Variants in FOXN3 observed in about 807,000 individuals in gnomAD.
The protein encoded by FOXN3 is forkhead box protein N3.
Under a neutral mutation model 38.4 loss-of-function variants are expected in FOXN3, and 7 were observed. The ratio of observed to expected loss-of-function variants is 0.18; its 90% confidence interval spans 0.10 to 0.34. The LOEUF is 0.34. Ranked by LOEUF, FOXN3 falls within the 10% of genes least tolerant of loss-of-function variation. FOXN3 has a pLI of 1.00. For missense variants in FOXN3, 456 were observed against 613.4 expected (o/e 0.74, Z 2.71); for synonymous variants, 230 against 242.2 (o/e 0.95, Z 0.47).
At chr14:89,436,545 T>G (rs1272870129) in intron 1 of FOXN3, among the ~76,000 whole-genome samples, 1 of 152,232 alleles carries the variant, frequency 6.6e-6, no homozygotes, top group Non-Finnish European at 1.5e-5. Context: ...CCCCATCGTC[T>G]GCGCCAGAGG....
At chr14:89,506,387 G>A (rs542833097) in intron 1 of FOXN3, among the ~76,000 whole-genome samples, 1,726 of 142,282 alleles carry the variant, frequency 0.012, 27 homozygotes, top group Non-Finnish European at 0.019. Flanking sequence ...GCCTCTGCCC[G>A]GCCACCCCTA....
intron 3 of FOXN3, among the ~76,000 whole-genome samples, chr14:89,303,829 T>C (rs1031474538): frequency 6.6e-6 from 1 of 152,224 alleles, no homozygotes; most frequent in African/African-American, 2.4e-5. Flanking sequence ...TATAATTCAC[T>C]ATTATCAGTG....
intron 1 of FOXN3, among the ~76,000 whole-genome samples, chr14:89,479,474 T>A (rs1300090123): frequency 6.6e-6 from 1 of 152,134 alleles, no homozygotes; most frequent in Non-Finnish European, 1.5e-5. Flanking sequence ...TTGTTTTAAA[T>A]AAAGCAAGCT....
chr14:89,324,155 G>A lies in FOXN3; in HGVS notation c.680+26517C>T, dbSNP rs1288059240. ...ATATAGTCCAATTCCCAGCTTTGCC[G>A]AATATCAGTAATAGCCAAGCAACAC... is the stretch of plus-strand genomic sequence containing the variant. On this transcript the variant is annotated intron_variant, in intron 3 of 5. Coordinates refer to ENST00000557258, the MANE Select transcript of FOXN3 (RefSeq NM_005197.4). Among the ~76,000 whole-genome samples, 6 of 152,148 alleles carry A rather than the reference G, an allele frequency of 3.9e-5. No homozygotes were observed. In the East Asian group the frequency reaches 5.8e-4, roughly 15 times the overall value.
chr14:89,360,736 CCAG>C (rs138235361), intron 2 of FOXN3, among the ~76,000 whole-genome samples: 5 of 136,348 alleles, frequency 3.7e-5, no homozygotes, highest in South Asian at 2.4e-4. Flanking sequence ...ACCACCACCT[CCAG>C]CACCACCTCC....
At chr14:89,352,295 A>C (rs1444045266) in intron 2 of FOXN3, among the ~76,000 whole-genome samples, 1 of 152,240 alleles carries the variant, frequency 6.6e-6, no homozygotes, top group Non-Finnish European at 1.5e-5. Context: ...CACATTCTCA[A>C]ACCCAGAATA....
intron 3 of FOXN3, chr14:89,284,392 A>G (rs1886552440): frequency 2.2e-6 from 1 of 447,964 alleles, no homozygotes; most frequent in Non-Finnish European, 4.5e-6. Context: ...CAAGTTAGTG[A>G]TCAACCCAAG....
At chr14:89,546,779 A>G (rs905638509) in intron 1 of FOXN3, among the ~76,000 whole-genome samples, 4 of 151,876 alleles carry the variant, frequency 2.6e-5, no homozygotes, top group Non-Finnish European at 4.4e-5. Context: ...ACACACATAT[A>G]CATAGGCAAA....
At chr14:89,182,964 T>C (rs1037980367) in intron 4 of FOXN3, among the ~76,000 whole-genome samples, 1 of 152,138 alleles carries the variant, frequency 6.6e-6, no homozygotes, top group African/African-American at 2.4e-5. Context: ...AAATTAGAAA[T>C]GGATCATACA....
chr14:89,301,750 A>G (rs1056026656), intron 3 of FOXN3, among the ~76,000 whole-genome samples: 1 of 152,154 alleles, frequency 6.6e-6, no homozygotes, highest in African/African-American at 2.4e-5. Flanking sequence ...CCTGGGCTAC[A>G]GAGTGAGACT....
chr14:89,593,855 C>T (rs1013667609), intron 1 of FOXN3, among the ~76,000 whole-genome samples: 5 of 152,156 alleles, frequency 3.3e-5, no homozygotes, highest in Non-Finnish European at 7.4e-5. Context: ...GATCTGCCCA[C>T]CTTGGCCTCC....
chr14:89,526,717 C>G (rs1353666175), intron 1 of FOXN3, among the ~76,000 whole-genome samples: 1 of 152,130 alleles, frequency 6.6e-6, no homozygotes, highest in Non-Finnish European at 1.5e-5. Context: ...AAAATCCCAA[C>G]AGGCTTTTTT....
At chr14:89,566,869 C>A (rs1039850703) in intron 1 of FOXN3, among the ~76,000 whole-genome samples, 1 of 151,836 alleles carries the variant, frequency 6.6e-6, no homozygotes, top group Admixed American at 6.6e-5. Context: ...TCTCACCCCC[C>A]TCCTCTTCCT....
intron 1 of FOXN3, among the ~76,000 whole-genome samples, chr14:89,583,160 T>C (rs1895777831): frequency 1.3e-5 from 2 of 152,264 alleles, no homozygotes; most frequent in Admixed American, 6.5e-5. Flanking sequence ...GTAGATCATA[T>C]GGTAGATATA....
intron 1 of FOXN3, among the ~76,000 whole-genome samples, chr14:89,451,950 G>A (rs1274877436): frequency 1.3e-5 from 2 of 152,150 alleles, no homozygotes; most frequent in Admixed American, 1.3e-4. Flanking sequence ...AGCCGCCTGA[G>A]TTCACTGTAG....
At chr14:89,547,686 C>G (rs1278388029) in intron 1 of FOXN3, among the ~76,000 whole-genome samples, 1 of 152,090 alleles carries the variant, frequency 6.6e-6, no homozygotes, top group Non-Finnish European at 1.5e-5. Context: ...TCCTAGTTTG[C>G]CCATCTCCCC....
At chr14:89,420,405 G>A (rs1488340878), upstream of FOXN3, among the ~76,000 whole-genome samples, 1 of 152,160 alleles carries the variant, frequency 6.6e-6, no homozygotes, top group East Asian at 1.9e-4. Context: ...AATAAGGGTG[G>A]GTTGCTGTTT....
rs34397438 is a variant in FOXN3, at chr14:89,377,312, AAAAT to A, written c.544-26508_544-26505del. On this transcript the variant is annotated intron_variant, in intron 2 of 5. Transcript: ENST00000557258. ...CCACATCTTCACTGGATGCTGGTAA[AAAAT>A]AAATAAATAAATAAATAAATAAATA... is the stretch of plus-strand genomic sequence containing the variant. 2.5e-3 allele frequency among the ~76,000 whole-genome samples: 381 copies of A among 149,754 alleles called. 2 individuals are homozygous for A. Among genetic ancestry groups the A allele is most frequent in the East Asian group, 6.0e-3 (30 of 5,036 alleles).
intron 4 of FOXN3, among the ~76,000 whole-genome samples, chr14:89,223,687 C>G (rs1210205062): frequency 6.6e-6 from 1 of 152,156 alleles, no homozygotes; most frequent in Non-Finnish European, 1.5e-5. Context: ...CCGGGTGCGG[C>G]GCTGGTTGCT....
Sources: allele counts gnomAD v4.1 joint callset (sites outside exome capture counted in the v4.1 genomes callset), GRCh38; gene constraint gnomAD v4.1.1; transcripts MANE v1.5; gene names NCBI Gene and HGNC (gene_info 2026-07-23, HGNC 2026-07-21).